Variants in KIAA1328 observed in about 807,000 individuals in gnomAD.
KIAA1328 encodes the protein protein hinderin.
A neutral mutation model predicts 68.1 loss-of-function variants in KIAA1328; 52 were observed. That is an observed-to-expected ratio of 0.76 (90% CI 0.61 to 0.96). The LOEUF (loss-of-function observed/expected upper bound fraction) is 0.96, where lower values mean the gene tolerates loss of function less well. KIAA1328 is among the 40% of genes least tolerant of loss of function. The pLI is 0.00. For missense variants in KIAA1328, 641 were observed against 677.6 expected (o/e 0.95, Z 0.60); for synonymous variants, 232 against 239.4 (o/e 0.97, Z 0.28).
chr18:37,158,577 T>C (rs760460821), intron 7 of KIAA1328, among the ~76,000 whole-genome samples: 2 of 152,040 alleles, frequency 1.3e-5, no homozygotes, highest in African/African-American at 2.4e-5. Context: ...GTAAAATTTT[T>C]TGAGACATGA....
chr18:36,997,653 G>A (rs942461326), intron 6 of KIAA1328, among the ~76,000 whole-genome samples: 1 of 152,136 alleles, frequency 6.6e-6, no homozygotes, highest in Non-Finnish European at 1.5e-5. Context: ...CTGTCCTAGG[G>A]TCCAGCAGTA....
chr18:37,058,880 G>T (rs2056034582), intron 6 of KIAA1328, among the ~76,000 whole-genome samples: 1 of 152,082 alleles, frequency 6.6e-6, no homozygotes, highest in Non-Finnish European at 1.5e-5. Flanking sequence ...GTGGGGCCAG[G>T]AGGGTCTTTT....
At chr18:36,902,909 T>C (rs2049089878) in intron 5 of KIAA1328, among the ~76,000 whole-genome samples, 1 of 152,112 alleles carries the variant, frequency 6.6e-6, no homozygotes, top group Non-Finnish European at 1.5e-5. Flanking sequence ...TTTTTTCCAT[T>C]GTTAGGATAA....
chr18:37,228,986 C>G (rs2060652947), downstream of KIAA1328, among the ~76,000 whole-genome samples: 1 of 152,184 alleles, frequency 6.6e-6, no homozygotes, highest in Admixed American at 6.5e-5. Flanking sequence ...GTGAACATAA[C>G]TTTTATATGC....
intron 6 of KIAA1328, among the ~76,000 whole-genome samples, chr18:36,981,486 A>G (rs1238552177): frequency 6.6e-6 from 1 of 152,212 alleles, no homozygotes; most frequent in Non-Finnish European, 1.5e-5. Context: ...CACAGATAAT[A>G]AAATTAACAG....
chr18:37,071,057 C>CA, intron 7 of KIAA1328, among the ~76,000 whole-genome samples: 1 of 86,836 alleles, frequency 1.2e-5, no homozygotes, highest in East Asian at 3.4e-4. Context: ...TTTTTTCTTC[C>CA]TTTTTTTTTT....
rs372786746 is a variant in KIAA1328, at chr18:36,999,094, CAG to C, written c.576+39661_576+39662del. On this transcript the variant is annotated intron_variant, in intron 6 of 9. Transcript: ENST00000280020. Reference sequence around the variant, plus strand: ...AAAGATATTTTTAAAAGGAACCAAACAGAAATTCTGGAACTAAAGAATTCATT... The same window carrying C: ...AAAGATATTTTTAAAAGGAACCAAACAAATTCTGGAACTAAAGAATTCATT... 6.3e-4 allele frequency among the ~76,000 whole-genome samples: 96 copies of C among 152,150 alleles called. No homozygotes were observed. In the East Asian group the frequency reaches 0.014, roughly 22 times the overall value.
At chr18:36,895,890 C>T (rs557240645) in intron 5 of KIAA1328, 1 of 404,528 alleles carries the variant, frequency 2.5e-6, no homozygotes, top group African/African-American at 2.1e-5. Flanking sequence ...CTGTGTGAGG[C>T]CACAGCAAGA....
chr18:37,124,353 G>T (rs187075754), intron 7 of KIAA1328, among the ~76,000 whole-genome samples: 1 of 151,724 alleles, frequency 6.6e-6, no homozygotes, highest in African/African-American at 2.4e-5. Context: ...ACAGTTTATA[G>T]TAAGTCCTGT....
At chr18:37,045,243 T>C (rs1380206606) in intron 6 of KIAA1328, among the ~76,000 whole-genome samples, 1 of 152,214 alleles carries the variant, frequency 6.6e-6, no homozygotes, top group East Asian at 1.9e-4. Flanking sequence ...CCTGTATGGC[T>C]GCTAGAAATT....
At chr18:36,973,512 CATTT>C (rs986758235) in intron 6 of KIAA1328, among the ~76,000 whole-genome samples, 27 of 151,910 alleles carry the variant, frequency 1.8e-4, no homozygotes, top group African/African-American at 5.6e-4. Context: ...GTTTTATGGC[CATTT>C]ATTTATTCAG....
At chr18:36,954,934 T>C (rs1164793608) in intron 5 of KIAA1328, among the ~76,000 whole-genome samples, 10 of 152,086 alleles carry the variant, frequency 6.6e-5, no homozygotes, top group Non-Finnish European at 1.3e-4. Flanking sequence ...TGACCTCAGG[T>C]GATCTGTCCG....
intron 5 of KIAA1328, among the ~76,000 whole-genome samples, chr18:36,909,170 A>T (rs1170891637): frequency 2.6e-5 from 4 of 152,132 alleles, no homozygotes; most frequent in African/African-American, 9.7e-5. Flanking sequence ...TCTAGGGTAT[A>T]TGTGCACAAT....
intron 5 of KIAA1328, among the ~76,000 whole-genome samples, chr18:36,914,151 C>T (rs1450715744): frequency 6.6e-6 from 1 of 152,082 alleles, no homozygotes; most frequent in African/African-American, 2.4e-5. Flanking sequence ...TTTTCATTTT[C>T]CTACCATACT....
intron 6 of KIAA1328, among the ~76,000 whole-genome samples, chr18:37,023,207 T>TTTATTTTA (rs1183508563): frequency 7.9e-5 from 12 of 152,038 alleles, no homozygotes; most frequent in Non-Finnish European, 8.8e-5. Flanking sequence ...TCTTCTGTAT[T>TTTATTTTA]TTATTTTATT....
At chr18:37,079,746 G>C (rs902539522) in intron 7 of KIAA1328, among the ~76,000 whole-genome samples, 1 of 151,776 alleles carries the variant, frequency 6.6e-6, no homozygotes, top group Non-Finnish European at 1.5e-5. Context: ...AATTAGCCAG[G>C]CATGGTGGTG....
chr18:36,868,376 C>A (rs1324786202), intron 4 of KIAA1328, among the ~76,000 whole-genome samples: 3 of 152,152 alleles, frequency 2.0e-5, no homozygotes, highest in Non-Finnish European at 4.4e-5. Flanking sequence ...TAAGTGACCT[C>A]AGAAGGTCTT....
At chr18:37,231,091 G>C (rs999368165), downstream of KIAA1328, 1 of 152,100 alleles carries the variant, frequency 6.6e-6, no homozygotes, top group Non-Finnish European at 1.5e-5. Flanking sequence ...TTCCATGGAG[G>C]TTTCCTAATC....
In KIAA1328 at chr18:37,029,467, G is replaced by A. The variant is rs773307507; in HGVS notation, c.577-37423G>A. On this transcript the variant is annotated intron_variant, in intron 6 of 9. Transcript: ENST00000280020. ...CAGTTCACTGCAACTTCCACCTCCC[G>A]GGCTCGAGTTATCCTCCCACCTCAG... 1.4e-4 allele frequency among the ~76,000 whole-genome samples: 21 copies of A among 152,162 alleles called. No homozygotes were observed. The East Asian group carries it at 3.3e-3, about 24-fold the overall frequency.
Sources: allele counts gnomAD v4.1 joint callset (sites outside exome capture counted in the v4.1 genomes callset), GRCh38; gene constraint gnomAD v4.1.1; transcripts MANE v1.5; gene names NCBI Gene and HGNC (gene_info 2026-07-23, HGNC 2026-07-21).